Variants in PDCD1LG2 observed in about 807,000 individuals in gnomAD.
The protein encoded by PDCD1LG2 is programmed cell death 1 ligand 2, also known as B7 dendritic cell molecule.
Under a neutral mutation model 28.2 loss-of-function variants are expected in PDCD1LG2, and 32 were observed. That is an observed-to-expected ratio of 1.13 (90% CI 0.86 to 1.52). PDCD1LG2 has a LOEUF of 1.52. PDCD1LG2 is among the 40% of genes most tolerant of loss of function. PDCD1LG2 has a pLI of 0.00. For synonymous variants in PDCD1LG2, 116 were observed against 120.2 expected (o/e 0.97, Z 0.23); for missense variants, 385 against 323.8 (o/e 1.19, Z -1.45).
intron 3 of PDCD1LG2, among the ~76,000 whole-genome samples, chr9:5,536,004 A>G (rs1049206876): frequency 2.0e-5 from 3 of 152,114 alleles, no homozygotes; most frequent in African/African-American, 7.2e-5. Context: ...TTCCCCTCCC[A>G]CGCATTGGAC....
intron 4 of PDCD1LG2, among the ~76,000 whole-genome samples, chr9:5,555,611 G>C (rs1234305221): frequency 1.3e-5 from 2 of 152,182 alleles, no homozygotes; most frequent in African/African-American, 2.4e-5. Context: ...CAGCTAAGCA[G>C]CTATGTTCCA....
At chr9:5,549,946 A>G (rs1324886433) in intron 4 of PDCD1LG2, among the ~76,000 whole-genome samples, 1 of 152,136 alleles carries the variant, frequency 6.6e-6, no homozygotes, top group Non-Finnish European at 1.5e-5. Context: ...CCACCCTCCA[A>G]TCTCCTGCTA....
intron 4 of PDCD1LG2, among the ~76,000 whole-genome samples, chr9:5,553,230 GT>G (rs1349971769): frequency 6.6e-6 from 1 of 152,174 alleles, no homozygotes; most frequent in Non-Finnish European, 1.5e-5. Flanking sequence ...AGGCAAGTTG[GT>G]CTTTCAACAT....
At chr9:5,560,065 C>T (rs1285180781) in intron 5 of PDCD1LG2, among the ~76,000 whole-genome samples, 2 of 152,218 alleles carry the variant, frequency 1.3e-5, no homozygotes, top group African/African-American at 2.4e-5. Flanking sequence ...TACCTCCACG[C>T]ACCACACCCA....
At chr9:5,550,394 C>T (rs971841095) in intron 4 of PDCD1LG2, among the ~76,000 whole-genome samples, 1 of 152,204 alleles carries the variant, frequency 6.6e-6, no homozygotes, top group Non-Finnish European at 1.5e-5. Flanking sequence ...CAGGTAATTT[C>T]ATCACCGAGT....
At chr9:5,543,880 G>T (rs1462636168) in intron 3 of PDCD1LG2, among the ~76,000 whole-genome samples, 1 of 139,584 alleles carries the variant, frequency 7.2e-6, no homozygotes, top group Non-Finnish European at 1.6e-5. Context: ...GGGTGGGGGG[G>T]AGGGGAAGCT....
At chr9:5,566,200 T>G (rs1816662918) in intron 6 of PDCD1LG2, among the ~76,000 whole-genome samples, 1 of 152,234 alleles carries the variant, frequency 6.6e-6, no homozygotes, top group Admixed American at 6.5e-5. Flanking sequence ...GTCCCTTGCA[T>G]GTACTTCTTA....
chr9:5,537,203 T>C (rs1403254517), intron 3 of PDCD1LG2, among the ~76,000 whole-genome samples: 2 of 152,216 alleles, frequency 1.3e-5, no homozygotes, highest in Non-Finnish European at 2.9e-5. Flanking sequence ...ACTGCTTCCA[T>C]TCCCATTGAT....
intron 2 of PDCD1LG2, among the ~76,000 whole-genome samples, chr9:5,531,244 T>C (rs1002425853): frequency 2.0e-5 from 3 of 152,238 alleles, no homozygotes; most frequent in South Asian, 4.1e-4. Context: ...TTCATAGAAT[T>C]GTTTGCATCA....
intron 3 of PDCD1LG2, among the ~76,000 whole-genome samples, chr9:5,545,169 C>A (rs1165384982): frequency 2.6e-5 from 4 of 152,322 alleles, no homozygotes; most frequent in African/African-American, 9.6e-5. Flanking sequence ...ATTTAACACC[C>A]TTGTTAAGGA....
rs1816734996 is a variant in PDCD1LG2 at position 5,569,721 on chromosome 9, G to T, written c.817-233G>T. Among the ~76,000 whole-genome samples, 1 of 152,174 alleles carries T rather than the reference G, an allele frequency of 6.6e-6. No homozygotes were observed. The highest frequency in any genetic ancestry group is 2.1e-4 in the South Asian group (1 of 4,830). On this transcript the variant is annotated intron_variant, in intron 6 of 6. Coordinates refer to ENST00000397747, the MANE Select transcript of PDCD1LG2 (RefSeq NM_025239.4). This position sits in a 1 kb window ranked among gnomAD's most constrained non-coding sequence, Gnocchi z 4.1. ...ATTACTGAACTATGTGTGGCCCAAAGAATGGAAGAGGAACAGCTCTTGCAA... is the reference window on the plus strand; with the variant it reads ...ATTACTGAACTATGTGTGGCCCAAATAATGGAAGAGGAACAGCTCTTGCAA...
At chr9:5,517,417 C>G (rs569945925) in intron 1 of PDCD1LG2, among the ~76,000 whole-genome samples, 7 of 152,136 alleles carry the variant, frequency 4.6e-5, no homozygotes, top group African/African-American at 1.7e-4. Flanking sequence ...GTCAAAAGCT[C>G]CAGATAACAT....
At chr9:5,535,598 A>T (rs953530573) in intron 3 of PDCD1LG2, among the ~76,000 whole-genome samples, 12 of 151,912 alleles carry the variant, frequency 7.9e-5, no homozygotes, top group Non-Finnish European at 1.5e-4. Flanking sequence ...TTTCTGAGGG[A>T]CGTGTGTGTG....
chr9:5,549,948 C>T (rs1164379436), intron 4 of PDCD1LG2, among the ~76,000 whole-genome samples: 1 of 152,194 alleles, frequency 6.6e-6, no homozygotes. Context: ...ACCCTCCAAT[C>T]TCCTGCTAGC....
intron 5 of PDCD1LG2, among the ~76,000 whole-genome samples, chr9:5,559,697 C>T (rs1816520704): frequency 6.6e-6 from 1 of 152,186 alleles, no homozygotes; most frequent in Admixed American, 6.5e-5. Flanking sequence ...CCTGCTACCT[C>T]CAACTTGGTC....
chr9:5,511,361 A>G (rs1820053183), intron 1 of PDCD1LG2, among the ~76,000 whole-genome samples: 1 of 152,240 alleles, frequency 6.6e-6, no homozygotes, highest in African/African-American at 2.4e-5. Context: ...CTTTCCATAT[A>G]AAATGATCAG....
chr9:5,512,270 C>G (rs62556073), intron 1 of PDCD1LG2, among the ~76,000 whole-genome samples: 8,382 of 152,280 alleles, frequency 0.055, 276 homozygotes, highest in East Asian at 0.096. Flanking sequence ...TCCACTGTAG[C>G]TGGGCTCGAT....
chr9:5,516,260 C>G (rs1235531900), intron 1 of PDCD1LG2, among the ~76,000 whole-genome samples: 2 of 152,144 alleles, frequency 1.3e-5, no homozygotes, highest in Non-Finnish European at 1.5e-5. Flanking sequence ...GCCATGTTGG[C>G]CAGGCTGGTC....
chr9:5,522,855 A>T (rs1175910479), intron 2 of PDCD1LG2, among the ~76,000 whole-genome samples: 1 of 152,146 alleles, frequency 6.6e-6, no homozygotes, highest in African/African-American at 2.4e-5. Context: ...GGGTAATGAC[A>T]AGAAGACAGG....
Sources: allele counts gnomAD v4.1 joint callset (sites outside exome capture counted in the v4.1 genomes callset), GRCh38; gene constraint gnomAD v4.1.1; non-coding constraint Gnocchi (gnomAD v3.1); transcripts MANE v1.5; gene names NCBI Gene and HGNC (gene_info 2026-07-23, HGNC 2026-07-21).